Variants in FAM227A observed in about 807,000 individuals in gnomAD.
FAM227A encodes family with sequence similarity 227 member A.
A neutral mutation model predicts 74.7 loss-of-function variants in FAM227A; 80 were observed. The ratio of observed to expected loss-of-function variants is 1.07; its 90% CI spans 0.89 to 1.29. The LOEUF is 1.29. FAM227A is among the 50% of genes most tolerant of loss of function. The pLI is 0.00. For missense variants in FAM227A, 654 were observed against 683.4 expected, an observed-to-expected ratio of 0.96 and a Z score of 0.48; for synonymous variants, 237 against 241.8, an observed-to-expected ratio of 0.98 and a Z score of 0.19.
intron 13 of FAM227A, among the ~76,000 whole-genome samples, chr22:38,601,055 G>T (rs2091166487): frequency 6.6e-6 from 1 of 152,108 alleles, no homozygotes; most frequent in African/African-American, 2.4e-5. Context: ...TGTATTGAGT[G>T]ATTACTATGT....
chr22:38,582,670 C>G lies in FAM227A; in HGVS notation c.*3455G>C. On this transcript the variant is annotated 3_prime_UTR_variant, in exon 17 of 17. Coordinates refer to ENST00000535113, the MANE Select transcript of FAM227A (RefSeq NM_001013647.2). ...GCAGGGATGATCTTGGACTGTGCAA[C>G]AAATGGTCCTGACAGACAGAAATGC... 3 of 829,486 alleles carry G rather than the reference C, an allele frequency of 3.6e-6. No individual in the cohort carries two copies. Among genetic ancestry groups the G allele is most frequent in the Non-Finnish European group, 5.6e-6 (3 of 539,880 alleles). The allele number at this position is 829,486 out of a possible 1,614,324, so 51.4% of individuals were successfully genotyped here.
Position 38,582,482 on chromosome 22 carries a change from G to A in FAM227A, c.*3643C>T. 6.8e-7 allele frequency: 1 copy of A among 1,471,108 alleles called. No individual in the cohort carries two copies. The allele number at this position is 1,471,108 out of a possible 1,614,324, so 91.1% of individuals were successfully genotyped here. On this transcript the variant is annotated 3_prime_UTR_variant, in exon 17 of 17. Transcript: ENST00000535113. ...TACAGCAAATGCTTTTTAAATGTTA[G>A]TTCCCTTTGATGCTCTACCCCGCTT...
intron 9 of FAM227A, 42 bp from the exon 10 acceptor site, chr22:38,623,321 G>T: frequency 7.4e-7 from 1 of 1,347,984 alleles, no homozygotes; most frequent in South Asian, 1.3e-5. Flanking sequence ...CGGGTGCGGT[G>T]GATCACGCCT....
chr22:38,591,225 G>T (rs1242297376), intron 16 of FAM227A: 7 of 932,958 alleles, frequency 7.5e-6, no homozygotes, highest in Non-Finnish European at 8.6e-6. Flanking sequence ...TCAGGAGGCT[G>T]AAGTGGGAGG....
At chr22:38,608,838 C>T (rs2091348604) in intron 11 of FAM227A, among the ~76,000 whole-genome samples, 1 of 125,676 alleles carries the variant, frequency 8.0e-6, no homozygotes, top group East Asian at 2.4e-4. Context: ...GCTCGTTACT[C>T]AGGGTGGAGT....
At chr22:38,607,037 C>T (rs1358556782) in intron 12 of FAM227A, among the ~76,000 whole-genome samples, 4 of 151,946 alleles carry the variant, frequency 2.6e-5, no homozygotes, top group Admixed American at 6.6e-5. Context: ...ATTAGCCAGG[C>T]GTGGTAGCGC....
At chr22:38,602,363 C>T (rs931019679) in intron 13 of FAM227A, among the ~76,000 whole-genome samples, 2 of 152,066 alleles carry the variant, frequency 1.3e-5, no homozygotes, top group Admixed American at 1.3e-4. Context: ...TCCCAGAGGA[C>T]AAAATTGCCC....
chr22:38,613,614 G>A (rs1266937796), intron 11 of FAM227A, among the ~76,000 whole-genome samples: 1 of 150,118 alleles, frequency 6.7e-6, no homozygotes, highest in African/African-American at 2.5e-5. Flanking sequence ...CACGGATGTT[G>A]GGAGTCCCTG....
intron 15 of FAM227A, among the ~76,000 whole-genome samples, chr22:38,593,373 C>T (rs925611743): frequency 1.3e-5 from 2 of 152,080 alleles, no homozygotes; most frequent in African/African-American, 2.4e-5. Flanking sequence ...GGCATGGTGG[C>T]GGACACCTGC....
chr22:38,596,007 C>T (rs569873727), intron 15 of FAM227A, among the ~76,000 whole-genome samples: 6 of 151,348 alleles, frequency 4.0e-5, no homozygotes, highest in African/African-American at 1.5e-4. Context: ...GATTCAAAGA[C>T]ACCAAAGAGA....
chr22:38,613,310 A>ATTATATAATATATATC (rs1327604346), intron 11 of FAM227A, among the ~76,000 whole-genome samples: 1 of 43,960 alleles, frequency 2.3e-5, no homozygotes, highest in East Asian at 7.5e-4. Context: ...TATAATATAT[A>ATTATATAATATATATC]ACATATAATA....
intron 1 of FAM227A, among the ~76,000 whole-genome samples, chr22:38,652,612 C>A (rs1322854595): frequency 7.0e-6 from 1 of 142,678 alleles, no homozygotes; most frequent in Non-Finnish European, 1.5e-5. Context: ...AAAGGTCGGG[C>A]GTGGTGGCTT....
chr22:38,612,394 C>T (rs936380384), intron 11 of FAM227A, among the ~76,000 whole-genome samples: 2 of 152,182 alleles, frequency 1.3e-5, no homozygotes, highest in Non-Finnish European at 2.9e-5. Flanking sequence ...CCTGAACACT[C>T]GAGCTCTTTT....
chr22:38,628,751 G>T (rs144372465), intron 7 of FAM227A, 83 bp downstream of exon 7: 25 of 858,642 alleles, frequency 2.9e-5, no homozygotes, highest in Non-Finnish European at 4.7e-5. Flanking sequence ...AGAGGGGCTT[G>T]TAGCTCATGT....
intron 3 of FAM227A, among the ~76,000 whole-genome samples, chr22:38,643,546 T>C (rs1365497940): frequency 1.3e-5 from 2 of 152,098 alleles, no homozygotes; most frequent in Non-Finnish European, 2.9e-5. Flanking sequence ...CCTCATCCAC[T>C]GCGGGTGGGA....
chr22:38,604,663 A>AT (rs1184608911), intron 13 of FAM227A, among the ~76,000 whole-genome samples: 6 of 151,776 alleles, frequency 4.0e-5, no homozygotes, highest in African/African-American at 7.2e-5. Flanking sequence ...TTTTTTATTT[A>AT]TTTTTTTTGA....
At chr22:38,598,359 G>T (rs558919326) in intron 14 of FAM227A, among the ~76,000 whole-genome samples, 2 of 152,266 alleles carry the variant, frequency 1.3e-5, no homozygotes, top group African/African-American at 4.8e-5. Flanking sequence ...CTTGGAGGTC[G>T]AGCTGTGCAC....
intron 11 of FAM227A, among the ~76,000 whole-genome samples, chr22:38,617,588 C>G (rs1415903138): frequency 6.6e-6 from 1 of 152,168 alleles, no homozygotes; most frequent in East Asian, 1.9e-4. Context: ...AGCCTCCACA[C>G]CCGGCCGGAG....
chr22:38,596,213 C>G (rs181629121), intron 15 of FAM227A, among the ~76,000 whole-genome samples: 1 of 151,926 alleles, frequency 6.6e-6, no homozygotes, highest in Non-Finnish European at 1.5e-5. Context: ...CCCAGCTACT[C>G]GGGAGGCTGA....
Sources: allele counts gnomAD v4.1 joint callset (sites outside exome capture counted in the v4.1 genomes callset), GRCh38; gene constraint gnomAD v4.1.1; transcripts MANE v1.5; gene names NCBI Gene and HGNC (gene_info 2026-07-23, HGNC 2026-07-21).